Variants in MAD1L1 observed in about 807,000 individuals in gnomAD.
The protein encoded by MAD1L1 is mitotic arrest deficient 1 like 1, also known as mitotic spindle assembly checkpoint protein MAD1.
Under a neutral mutation model 96.9 loss-of-function variants are expected in MAD1L1, and 95 were observed. That is an observed-to-expected ratio of 0.98 (90% confidence interval 0.83 to 1.16). MAD1L1 has a LOEUF of 1.16. Among genes scored for constraint, MAD1L1 ranks in the 50% most tolerant of loss-of-function variants. The pLI is 0.00. For missense variants in MAD1L1, 1,007 were observed against 954.4 expected, an observed-to-expected ratio of 1.06 and a Z score of -0.73; for synonymous variants, 473 against 396.6, an observed-to-expected ratio of 1.19 and a Z score of -2.29.
chr7:2,045,292 C>T (rs1353420954), intron 12 of MAD1L1, among the ~76,000 whole-genome samples: 1 of 152,108 alleles, frequency 6.6e-6, no homozygotes, highest in Non-Finnish European at 1.5e-5. Flanking sequence ...TCCCTGTGTC[C>T]CCGTGAGATA....
intron 11 of MAD1L1, among the ~76,000 whole-genome samples, chr7:2,108,788 G>C (rs1027166244): frequency 1.3e-5 from 2 of 152,180 alleles, no homozygotes; most frequent in Non-Finnish European, 2.9e-5. Flanking sequence ...GCTCAGCCTC[G>C]AGCTCCTTCT....
chr7:2,157,356 T>C (rs927102951), intron 10 of MAD1L1, among the ~76,000 whole-genome samples: 1 of 152,196 alleles, frequency 6.6e-6, no homozygotes, highest in African/African-American at 2.4e-5. Context: ...CTCCCCTTCA[T>C]GTTACCATTT....
intron 14 of MAD1L1, among the ~76,000 whole-genome samples, chr7:1,989,904 C>G (rs1335271435): frequency 1.3e-5 from 2 of 152,248 alleles, no homozygotes; most frequent in South Asian, 2.1e-4. Context: ...TGCTAATGGT[C>G]CTTGTGGCAA....
intron 18 of MAD1L1, among the ~76,000 whole-genome samples, chr7:1,833,119 G>A (rs1005784712): frequency 8.5e-5 from 13 of 152,310 alleles, no homozygotes; most frequent in African/African-American, 3.1e-4. Context: ...CATGTACATT[G>A]TTTTTTAAAG....
At chr7:2,023,120 G>A (rs562450617) in intron 12 of MAD1L1, among the ~76,000 whole-genome samples, 2 of 152,100 alleles carry the variant, frequency 1.3e-5, no homozygotes, top group South Asian at 2.1e-4. Flanking sequence ...TATCAGAAAC[G>A]GACAGATCCC....
At chr7:2,007,183 A>G (rs1367151776) in intron 13 of MAD1L1, among the ~76,000 whole-genome samples, 4 of 152,172 alleles carry the variant, frequency 2.6e-5, no homozygotes, top group African/African-American at 9.7e-5. Flanking sequence ...GAAGCACGGG[A>G]AACGCTGGGC....
chr7:1,879,178 T>C (rs955676053), intron 18 of MAD1L1, among the ~76,000 whole-genome samples: 1 of 152,184 alleles, frequency 6.6e-6, no homozygotes, highest in Non-Finnish European at 1.5e-5. Context: ...ATTGTTAGAA[T>C]GTCAGTTCTT....
chr7:2,108,030 G>A (rs1305129723), intron 11 of MAD1L1, among the ~76,000 whole-genome samples: 1 of 151,270 alleles, frequency 6.6e-6, no homozygotes. Flanking sequence ...ACCCATCCAG[G>A]TGCTCGGAAA....
intron 16 of MAD1L1, among the ~76,000 whole-genome samples, chr7:1,937,155 C>T (rs1184422071): frequency 6.6e-6 from 1 of 152,196 alleles, no homozygotes; most frequent in Non-Finnish European, 1.5e-5. Context: ...ACCACAGGAA[C>T]AGGGTGAGAG....
intron 12 of MAD1L1, among the ~76,000 whole-genome samples, chr7:2,063,828 G>C (rs989099644): frequency 3.3e-5 from 5 of 152,162 alleles, no homozygotes; most frequent in African/African-American, 1.2e-4. Flanking sequence ...CTGAGCACCT[G>C]TGGCCTCAGC....
intron 18 of MAD1L1, 115 bp downstream of exon 18, chr7:1,898,085 C>T (rs748491082): frequency 1.8e-6 from 2 of 1,139,242 alleles, no homozygotes; most frequent in East Asian, 2.6e-5. Flanking sequence ...CCCAGCCCTC[C>T]ACACCATCCC....
chr7:2,036,983 CA>C (rs1783465695), intron 12 of MAD1L1, among the ~76,000 whole-genome samples: 1 of 152,102 alleles, frequency 6.6e-6, no homozygotes, highest in Non-Finnish European at 1.5e-5. Context: ...CAGCTCCCCC[CA>C]CAGCACGAGC....
intron 11 of MAD1L1, among the ~76,000 whole-genome samples, chr7:2,079,531 CTCG>C (rs1439003057): frequency 1.3e-5 from 2 of 152,212 alleles, no homozygotes; most frequent in Admixed American, 6.5e-5. Context: ...TTCCCAACAT[CTCG>C]TCAACTGGAA....
At chr7:1,934,056 A>C (rs962766226) in intron 17 of MAD1L1, among the ~76,000 whole-genome samples, 1 of 152,234 alleles carries the variant, frequency 6.6e-6, no homozygotes, top group African/African-American at 2.4e-5. Flanking sequence ...TAGGCCTTAC[A>C]TAAAACAGAG....
chr7:1,816,430 G>A lies in MAD1L1; in HGVS notation c.1999-202C>T, dbSNP rs186387153. 4.8e-3 allele frequency among the ~76,000 whole-genome samples: 738 copies of A among 152,282 alleles called. 3 individuals carry two copies. Among genetic ancestry groups the A allele is most frequent in the Admixed American group, 0.011 (163 of 15,296 alleles). On this transcript the variant is annotated intron_variant, in intron 18 of 18. Coordinates refer to ENST00000265854, the MANE Select transcript of MAD1L1 (RefSeq NM_001013836.2). ...TGAATTAACCCAGGGCAAGGTCTCTGTTGTCTACACTGTCATCTACCCAGG... is the reference window on the plus strand; with the variant it reads ...TGAATTAACCCAGGGCAAGGTCTCTATTGTCTACACTGTCATCTACCCAGG...
At chr7:1,928,345 G>C (rs1324878911) in intron 17 of MAD1L1, among the ~76,000 whole-genome samples, 1 of 151,554 alleles carries the variant, frequency 6.6e-6, no homozygotes, top group African/African-American at 2.4e-5. Flanking sequence ...GCCCACGACG[G>C]AACTCCTGCC....
At chr7:2,034,543 G>A (rs575810750) in intron 12 of MAD1L1, among the ~76,000 whole-genome samples, 5 of 152,304 alleles carry the variant, frequency 3.3e-5, no homozygotes, top group South Asian at 2.1e-4. Flanking sequence ...ATGTCTACAC[G>A]AAGAAACATC....
rs532648786 is a variant in MAD1L1 at position 1,815,908 on chromosome 7, C to G, written c.*162G>C. The stretch of plus-strand genomic sequence containing the variant: ...GCACGTGGAGAGGGTGCTGGCCGCC[C>G]CAGCAGGAAGCCCGACGTAGGTCCC... On this transcript the variant is annotated 3_prime_UTR_variant, in exon 19 of 19. Coordinates refer to ENST00000265854, the MANE Select transcript of MAD1L1 (RefSeq NM_001013836.2). 3.6e-4 allele frequency: 302 copies of G among 843,882 alleles called. 8 individuals are homozygous for G. In the South Asian group the frequency reaches 5.4e-3, roughly 15 times the overall value. 52.3% of individuals were successfully genotyped at this position (843,882 alleles called of 1,614,324 possible).
chr7:2,075,185 G>A (rs1014070495), intron 11 of MAD1L1, among the ~76,000 whole-genome samples: 17 of 152,206 alleles, frequency 1.1e-4, no homozygotes, highest in African/African-American at 4.1e-4. Context: ...GCCAAGCCCT[G>A]GAGGTGCAGG....
Sources: allele counts gnomAD v4.1 joint callset (sites outside exome capture counted in the v4.1 genomes callset), GRCh38; gene constraint gnomAD v4.1.1; transcripts MANE v1.5; gene names NCBI Gene and HGNC (gene_info 2026-07-23, HGNC 2026-07-21).